CACNA1E: variants seen among roughly 807,000 people sequenced by gnomAD.
The protein encoded by CACNA1E is voltage-dependent R-type calcium channel subunit alpha-1E.
CACNA1E carries 40 observed loss-of-function variants against 259.2 expected under a neutral mutation model. The ratio of observed to expected loss-of-function variants is 0.15; its 90% CI spans 0.12 to 0.20. CACNA1E has a LOEUF of 0.20. Ranked by LOEUF, CACNA1E falls within the 10% of genes least tolerant of loss-of-function variation. The pLI is 1.00. For synonymous variants in CACNA1E, 1,104 were observed against 1,138.5 expected (o/e 0.97, Z 0.61); for missense variants, 1,874 against 3,040.1 (o/e 0.62, Z 9.02).
At chr1:181,584,994 G>A (rs1651910065) in intron 6 of CACNA1E, among the ~76,000 whole-genome samples, 1 of 151,266 alleles carries the variant, frequency 6.6e-6, no homozygotes, top group Non-Finnish European at 1.5e-5. Context: ...GATCACTCAT[G>A]CTCTGGAATA....
chr1:181,529,783 C>T (rs1667637564), intron 3 of CACNA1E, among the ~76,000 whole-genome samples: 1 of 152,218 alleles, frequency 6.6e-6, no homozygotes, highest in Admixed American at 6.5e-5. Flanking sequence ...TGTATTCCCC[C>T]AATACCTGTA....
rs945853369 is a variant in CACNA1E at position 181,758,162 on chromosome 1, C to G, written c.4494+51C>G. 25 of 1,560,312 alleles carry G rather than the reference C, an allele frequency of 1.6e-5. No homozygotes were observed. The highest frequency in any genetic ancestry group is 2.1e-5 in the Non-Finnish European group (24 of 1,138,118). On this transcript the variant is annotated intron_variant, in intron 31 of 47. Transcript: ENST00000367573. The surrounding 1 kb of genome is among the most constrained non-coding windows in gnomAD (Gnocchi z 4.2). ...GACTGAGCCCCAGCGATGGTTCCCTCCCAGGGCAAGTGGGAAGACACCCCA... is the reference window on the plus strand; with the variant it reads ...GACTGAGCCCCAGCGATGGTTCCCTGCCAGGGCAAGTGGGAAGACACCCCA...
At chr1:181,450,575 G>A (rs553181724) in intron 2 of CACNA1E, among the ~76,000 whole-genome samples, 13 of 152,262 alleles carry the variant, frequency 8.5e-5, no homozygotes, top group African/African-American at 2.6e-4. Context: ...ATTAGAAACC[G>A]AGATTATGGG....
chr1:181,627,260 T>C lies in CACNA1E; in HGVS notation c.952-24078T>C, dbSNP rs138782990. On this transcript the variant is annotated intron_variant, in intron 6 of 47. Coordinates refer to ENST00000367573, the MANE Select transcript of CACNA1E (RefSeq NM_001205293.3). ...TACTGCAGGGGTTACCAGTAACTGA[T>C]TCAAGAAGGAGAGCTGTTCACAGAG... is the stretch of plus-strand genomic sequence containing the variant. Among the ~76,000 whole-genome samples, 1,476 of 152,290 alleles carry C rather than the reference T, an allele frequency of 9.7e-3. 22 individuals are homozygous for C. Among genetic ancestry groups the C allele is most frequent in the African/African-American group, 0.034 (1,411 of 41,550 alleles).
At chr1:181,347,657 C>T (rs976402353) in intron 1 of CACNA1E, among the ~76,000 whole-genome samples, 5 of 152,344 alleles carry the variant, frequency 3.3e-5, no homozygotes, top group Admixed American at 1.3e-4. Flanking sequence ...CCTTTATTCA[C>T]GTTGCGTGTT....
chr1:181,424,985 A>G (rs995278742), intron 2 of CACNA1E, among the ~76,000 whole-genome samples: 2 of 152,298 alleles, frequency 1.3e-5, no homozygotes, highest in African/African-American at 2.4e-5. Context: ...TCTTCTGAAC[A>G]TGTCAAGATT....
Position 181,793,774 on chromosome 1 carries a change from G to C in CACNA1E, c.6008G>C (p.Arg2003Pro). 6.2e-7 allele frequency: 1 copy of C among 1,611,498 alleles called. No individual in the cohort carries two copies. The highest frequency in any genetic ancestry group is 8.5e-7 in the Non-Finnish European group (1 of 1,179,368). The part of the protein sequence containing the change: ...AGSGRASSMP[R>P]LTVDPQVVTD... ...TCTGGGAGGGCATCTTCTATGCCAC[G>C]TCTGACTGTGGATCCCCAGGTAAAA... Residue 2003 changes from arginine (R) to proline (P), a missense_variant, in exon 45 of 48, where the codon CGT becomes CCT. Around this residue, in one of 14 missense-constraint regions of CACNA1E, gnomAD observed 542 missense variants for 587.2 expected, o/e 0.92. Transcript: ENST00000367573.
Position 181,484,048 on chromosome 1 carries a change from T to C in CACNA1E, c.266+38T>C, listed in dbSNP as rs753811099. ...GCCCACCATAACTCCCTCTCCCCCTTTGCATTTCTTCGGGTGAAGGGGGGT... is the reference window on the plus strand; with the variant it reads ...GCCCACCATAACTCCCTCTCCCCCTCTGCATTTCTTCGGGTGAAGGGGGGT... On this transcript the variant is annotated intron_variant, in intron 1 of 47. Transcript: ENST00000367573. 5.0e-6 allele frequency: 8 copies of C among 1,593,032 alleles called. No individual in the cohort carries two copies. The South Asian group carries it at 6.7e-5, about 13-fold the overall frequency.
chr1:181,541,721 A>G (rs1321262646), intron 3 of CACNA1E, among the ~76,000 whole-genome samples: 1 of 152,218 alleles, frequency 6.6e-6, no homozygotes, highest in Non-Finnish European at 1.5e-5. Context: ...TGAGTCACAC[A>G]TTCTTCAAGG....
chr1:181,493,828 C>G (rs1424405709), intron 1 of CACNA1E, among the ~76,000 whole-genome samples: 1 of 152,224 alleles, frequency 6.6e-6, no homozygotes, highest in East Asian at 1.9e-4. Flanking sequence ...AGCTTAAGCT[C>G]CCCTTTGGTT....
chr1:181,545,119 A>G (rs375951936), intron 3 of CACNA1E, among the ~76,000 whole-genome samples: 3 of 152,082 alleles, frequency 2.0e-5, no homozygotes, highest in Admixed American at 6.5e-5. Context: ...AAGTCTTGCT[A>G]TGTTGGGGGT....
At chr1:181,717,406 C>A in intron 11 of CACNA1E, 104 bp downstream of exon 11, 1 of 914,560 alleles carries the variant, frequency 1.1e-6, no homozygotes, top group Non-Finnish European at 1.8e-6. Context: ...AGGAAAGGTT[C>A]TACCTCTTCA....
intron 6 of CACNA1E, among the ~76,000 whole-genome samples, chr1:181,594,838 T>G (rs1021393981): frequency 1.3e-5 from 2 of 152,194 alleles, no homozygotes; most frequent in Non-Finnish European, 1.5e-5. Context: ...CTGTAAGAAT[T>G]AAAGAAAAAT....
chr1:181,386,551 G>T (rs1004143512), intron 1 of CACNA1E, among the ~76,000 whole-genome samples: 3 of 152,192 alleles, frequency 2.0e-5, no homozygotes, highest in African/African-American at 7.2e-5. Flanking sequence ...AAAACTTTTT[G>T]CAGTGATGGA....
intron 1 of CACNA1E, among the ~76,000 whole-genome samples, chr1:181,394,590 AGAT>A (rs1398936232): frequency 6.6e-6 from 1 of 152,166 alleles, no homozygotes; most frequent in Non-Finnish European, 1.5e-5. Context: ...ATGCGTTGAA[AGAT>A]GATAAGTGCT....
intron 2 of CACNA1E, among the ~76,000 whole-genome samples, chr1:181,473,812 T>A (rs1662669547): frequency 6.6e-6 from 1 of 152,214 alleles, no homozygotes; most frequent in South Asian, 2.1e-4. Flanking sequence ...GAAGTCAGGG[T>A]GACCTAGGAT....
chr1:181,503,821 T>C (rs976857073), intron 1 of CACNA1E, among the ~76,000 whole-genome samples: 12 of 152,252 alleles, frequency 7.9e-5, no homozygotes, highest in Admixed American at 7.8e-4. Flanking sequence ...TCTTGAGTAC[T>C]GTGTTGGGAC....
At chr1:181,410,565 C>T (rs937634779) in intron 1 of CACNA1E, among the ~76,000 whole-genome samples, 16 of 152,148 alleles carry the variant, frequency 1.1e-4, no homozygotes, top group African/African-American at 2.7e-4. Context: ...ATCATGTATG[C>T]GCTAAGATCA....
At chr1:181,557,312 C>T (rs980364890) in intron 3 of CACNA1E, among the ~76,000 whole-genome samples, 1 of 152,176 alleles carries the variant, frequency 6.6e-6, no homozygotes, top group African/African-American at 2.4e-5. Flanking sequence ...GCTGTGGAGC[C>T]TCTGCGTATT....
Sources: gnomAD v4.1 joint callset for allele counts (sites outside exome capture counted in the v4.1 genomes callset) on GRCh38, gnomAD v4.1.1 for gene constraint, gnomAD v4.1.1 regional missense constraint, Gnocchi (gnomAD v3.1) non-coding constraint, MANE v1.5 for transcripts, NCBI Gene and HGNC (gene_info 2026-07-23, HGNC 2026-07-21) for gene names.